The following TMC7 variants were observed in gnomAD, a reference collection of about 807,000 sequenced individuals.
TMC7 encodes transmembrane channel-like protein 7.
Under a neutral mutation model 82.9 loss-of-function variants are expected in TMC7, and 54 were observed. That is an observed-to-expected ratio of 0.65 (90% CI 0.52 to 0.82). The LOEUF is 0.82. Among genes scored for constraint, TMC7 ranks in the 40% least tolerant of loss-of-function variants. The pLI, the probability that TMC7 is intolerant of heterozygous loss-of-function variation, is 0.00. For missense variants in TMC7, 820 were observed against 901.2 expected (o/e 0.91, Z 1.15); for synonymous variants, 350 against 337.9 (o/e 1.04, Z -0.39).
intron 1 of TMC7, chr16:18,984,512 G>A: frequency 9.6e-7 from 1 of 1,040,064 alleles, no homozygotes; most frequent in Non-Finnish European, 1.2e-6. Flanking sequence ...GGACATTTCA[G>A]CCTTCACATA....
At chr16:19,004,162 G>A (rs1219141620) in intron 1 of TMC7, among the ~76,000 whole-genome samples, 2 of 152,084 alleles carry the variant, frequency 1.3e-5, no homozygotes, top group Non-Finnish European at 2.9e-5. Context: ...AAACGAGGGG[G>A]TGGATCCTAG....
intron 1 of TMC7, among the ~76,000 whole-genome samples, chr16:19,007,188 T>C (rs2039255729): frequency 6.6e-6 from 1 of 152,060 alleles, no homozygotes; most frequent in African/African-American, 2.4e-5. Flanking sequence ...GGTTGTTGGT[T>C]CTTTTTGTAG....
At chr16:18,998,629 C>T (rs546617204) in intron 1 of TMC7, among the ~76,000 whole-genome samples, 1 of 152,238 alleles carries the variant, frequency 6.6e-6, no homozygotes, top group Non-Finnish European at 1.5e-5. Flanking sequence ...TGGCGGGCAC[C>T]CATAGTCCCA....
intron 1 of TMC7, among the ~76,000 whole-genome samples, chr16:18,987,372 G>A (rs573367618): frequency 2.6e-5 from 4 of 152,008 alleles, no homozygotes; most frequent in East Asian, 3.9e-4. Context: ...GTGCAGTAGC[G>A]CGATCTCGGC....
chr16:19,019,914 CTG>C (rs1380346825), intron 3 of TMC7, among the ~76,000 whole-genome samples: 1 of 152,194 alleles, frequency 6.6e-6, no homozygotes, highest in African/African-American at 2.4e-5. Flanking sequence ...TGGCAAAAAA[CTG>C]TGGGTATCTT....
chr16:19,039,918 C>A (rs965266412), intron 8 of TMC7, among the ~76,000 whole-genome samples: 2 of 151,872 alleles, frequency 1.3e-5, no homozygotes, highest in African/African-American at 4.8e-5. Flanking sequence ...GAGTTTGAGA[C>A]CAGCCTGACC....
intron 1 of TMC7, among the ~76,000 whole-genome samples, chr16:18,996,423 T>A (rs2142133931): frequency 6.6e-6 from 1 of 152,182 alleles, no homozygotes; most frequent in East Asian, 1.9e-4. Flanking sequence ...ATTATCTAGA[T>A]CTTGTAGGAA....
chr16:18,991,197 A>G (rs539731846), intron 1 of TMC7, among the ~76,000 whole-genome samples: 51 of 152,220 alleles, frequency 3.4e-4, no homozygotes, highest in African/African-American at 1.1e-3. Flanking sequence ...TAGAAGGAGC[A>G]TTTGTCATAT....
chr16:19,039,178 C>A (rs1257536065), intron 8 of TMC7, among the ~76,000 whole-genome samples: 2 of 151,400 alleles, frequency 1.3e-5, no homozygotes. Flanking sequence ...GCAACCTCCA[C>A]CTCCCGGGTT....
chr16:19,045,281 G>A (rs992667602), intron 10 of TMC7, 60 bp from the exon 11 acceptor site: 2 of 1,373,136 alleles, frequency 1.5e-6, no homozygotes, highest in East Asian at 2.3e-5. Context: ...TGTCTTGGGA[G>A]CCTGGTTTTC....
At position 19,016,483 on chromosome 16, in the gene TMC7, C is replaced by T. The variant is rs547245832; in HGVS notation, c.345C>T (p.Ser115=). 1.5e-5 allele frequency: 24 copies of T among 1,614,132 alleles called. No individual in the cohort carries two copies. The highest frequency in any genetic ancestry group is 1.1e-4 in the South Asian group (10 of 91,068). The part of the protein sequence containing the change: ...DIQETQMKYL[S]EWDQWKRYSS... The stretch of plus-strand genomic sequence containing the variant: ...AAGAGACACAAATGAAGTATCTCTC[C>T]GAATGGGACCAGTGGAAGCGGTATA... The change falls in exon 3 of 16, where the codon TCC becomes TCT. Residue 115 remains serine, a synonymous_variant. Coordinates refer to ENST00000304381, the MANE Select transcript of TMC7 (RefSeq NM_024847.4).
At chr16:19,019,396 C>T (rs760864286) in intron 3 of TMC7, among the ~76,000 whole-genome samples, 1 of 152,186 alleles carries the variant, frequency 6.6e-6, no homozygotes, top group Non-Finnish European at 1.5e-5. Flanking sequence ...AAGACTTTAA[C>T]CATGCACTCA....
intron 10 of TMC7, 96 bp from the exon 11 acceptor site, chr16:19,045,245 C>T: frequency 9.7e-7 from 1 of 1,028,856 alleles, no homozygotes; most frequent in Non-Finnish European, 1.5e-6. Context: ...GCCACAGGAT[C>T]TGGAGTTGGA....
At chr16:19,005,001 C>G (rs1332824100) in intron 1 of TMC7, among the ~76,000 whole-genome samples, 3 of 151,914 alleles carry the variant, frequency 2.0e-5, no homozygotes, top group Non-Finnish European at 2.9e-5. Flanking sequence ...GGGGATAATT[C>G]TCTCTAAAGA....
intron 3 of TMC7, 148 bp downstream of exon 3, chr16:19,016,746 G>A (rs1190890627): frequency 8.0e-6 from 7 of 880,252 alleles, no homozygotes; most frequent in Non-Finnish European, 1.2e-5. Context: ...AGGTTTAGCA[G>A]AACCTGTGAC....
intron 13 of TMC7, 50 bp from the exon 14 acceptor site, chr16:19,056,492 C>G: frequency 3.8e-6 from 6 of 1,582,662 alleles, no homozygotes; most frequent in Non-Finnish European, 5.2e-6. Context: ...GCGGGACACT[C>G]AACCTGTGCT....
chr16:19,047,962 G>A (rs1961363057), intron 12 of TMC7, among the ~76,000 whole-genome samples: 1 of 152,018 alleles, frequency 6.6e-6, no homozygotes, highest in African/African-American at 2.4e-5. Flanking sequence ...GCCTCCCAAA[G>A]TGCTGGGATT....
chr16:18,990,888 A>G (rs2038939630), intron 1 of TMC7, among the ~76,000 whole-genome samples: 1 of 152,078 alleles, frequency 6.6e-6, no homozygotes, highest in Admixed American at 6.5e-5. Flanking sequence ...GGCTGTTTTC[A>G]CTTCTGTGGA....
chr16:18,994,496 C>T (rs1250468738), intron 1 of TMC7, among the ~76,000 whole-genome samples: 1 of 150,510 alleles, frequency 6.6e-6, no homozygotes, highest in African/African-American at 2.4e-5. Context: ...TGTACTTTGG[C>T]TGTGTGTAAT....
Sources: allele counts gnomAD v4.1 joint callset (sites outside exome capture counted in the v4.1 genomes callset), GRCh38; gene constraint gnomAD v4.1.1; transcripts MANE v1.5; gene names NCBI Gene and HGNC (gene_info 2026-07-23, HGNC 2026-07-21).